SEC63: variants seen among roughly 807,000 people sequenced by gnomAD.
The protein encoded by SEC63 is translocation protein SEC63 homolog.
SEC63 carries 56 observed loss-of-function variants against 116.2 expected under a neutral mutation model. The observed-to-expected ratio is 0.48, with a 90% CI of 0.39 to 0.60. The LOEUF (loss-of-function observed/expected upper bound fraction) is 0.60. Among genes scored for constraint, SEC63 ranks in the 20% least tolerant of loss-of-function variants. The pLI is 0.00. For synonymous variants in SEC63, 273 were observed against 294.6 expected (o/e 0.93, Z 0.75); for missense variants, 668 against 900.0 (o/e 0.74, Z 3.30).
At chr6:107,939,937 A>C (rs941871194) in intron 1 of SEC63, among the ~76,000 whole-genome samples, 4 of 152,186 alleles carry the variant, frequency 2.6e-5, no homozygotes, top group African/African-American at 9.6e-5. Context: ...TATGCTCTTA[A>C]CTTGAATCTG....
intron 18 of SEC63, chr6:107,877,116 T>C (rs1786298209): frequency 6.5e-6 from 1 of 154,578 alleles, no homozygotes. Flanking sequence ...TATATGTGTG[T>C]GTGTATATAT....
At chr6:107,937,042 C>A (rs182321905) in intron 1 of SEC63, among the ~76,000 whole-genome samples, 2 of 151,970 alleles carry the variant, frequency 1.3e-5, no homozygotes, top group African/African-American at 4.8e-5. Flanking sequence ...GAATAATACC[C>A]TCCAGCTGCA....
chr6:107,871,111 A>C lies in SEC63; in HGVS notation c.*593T>G, dbSNP rs1380047190. The C allele has an allele frequency of 6.5e-6, 1 of 154,668 alleles. No homozygotes were observed. The highest frequency in any genetic ancestry group is 1.9e-4 in the East Asian group (1 of 5,252). 9.6% of individuals were successfully genotyped at this position (154,668 alleles called of 1,614,324 possible). A position where few individuals can be genotyped will look rare whatever the true frequency, so the allele number is the denominator to read the frequency against. On this transcript the variant is annotated 3_prime_UTR_variant, in exon 21 of 21. Coordinates refer to ENST00000369002, the MANE Select transcript of SEC63 (RefSeq NM_007214.5). ...CTGATAACTCTGGGCAATTAAGAAAAGGAAAATTCCAAAACGTAGCCCTCT... is the reference window on the plus strand; with the variant it reads ...CTGATAACTCTGGGCAATTAAGAAACGGAAAATTCCAAAACGTAGCCCTCT...
In SEC63 at chr6:107,906,673, T is replaced by C. The variant is rs1456797029; in HGVS notation, c.828+10A>G. On this transcript the variant is annotated intron_variant, in intron 9 of 20. Coordinates refer to ENST00000369002, the MANE Select transcript of SEC63 (RefSeq NM_007214.5). ...ACTGCTCATCGGGGGATTTGGGAAA[T>C]TAGCCTAACCTGTGGTATTAGAATA... The C allele has an allele frequency of 6.2e-6, 10 of 1,611,890 alleles. No homozygotes were observed. Among genetic ancestry groups the C allele is most frequent in the African/African-American group, 1.3e-5 (1 of 74,858 alleles).
At chr6:107,897,980 T>A (rs1786902206) in intron 13 of SEC63, among the ~76,000 whole-genome samples, 2 of 152,130 alleles carry the variant, frequency 1.3e-5, no homozygotes, top group Non-Finnish European at 2.9e-5. Flanking sequence ...GAAACTAAGG[T>A]TTAGCCAGGC....
chr6:107,873,774 G>C (rs1222267271), intron 19 of SEC63, among the ~76,000 whole-genome samples: 2 of 151,402 alleles, frequency 1.3e-5, no homozygotes, highest in African/African-American at 4.9e-5. Context: ...TATCACAAAG[G>C]GCTGATTTCT....
At chr6:107,931,250 G>A (rs1371102223) in intron 1 of SEC63, among the ~76,000 whole-genome samples, 1 of 150,282 alleles carries the variant, frequency 6.7e-6, no homozygotes, top group Non-Finnish European at 1.5e-5. Flanking sequence ...GCTGAGGCAG[G>A]AGAATCAGTT....
intron 16 of SEC63, among the ~76,000 whole-genome samples, chr6:107,892,010 G>C (rs1786694746): frequency 6.6e-6 from 1 of 152,244 alleles, no homozygotes; most frequent in Non-Finnish European, 1.5e-5. Context: ...ATGTCTCCCA[G>C]TCAGGATTCA....
At chr6:107,916,768 C>A (rs1252887794) in intron 4 of SEC63, among the ~76,000 whole-genome samples, 1 of 152,186 alleles carries the variant, frequency 6.6e-6, no homozygotes, top group Non-Finnish European at 1.5e-5. Context: ...GGGGCTGGCA[C>A]ACAAACTGCA....
At chr6:107,873,632 TA>T (rs11153086) in intron 19 of SEC63, among the ~76,000 whole-genome samples, 44 of 151,260 alleles carry the variant, frequency 2.9e-4, no homozygotes, top group African/African-American at 1.1e-3. Flanking sequence ...TAGAAACTAT[TA>T]AAAAAAAATT....
At chr6:107,893,303 G>A (rs1198527138) in intron 16 of SEC63, among the ~76,000 whole-genome samples, 179 bp downstream of exon 16, 1 of 152,188 alleles carries the variant, frequency 6.6e-6, no homozygotes, top group African/African-American at 2.4e-5. Flanking sequence ...ATAGTGGGAG[G>A]TAGAGGGATG....
In SEC63 at chr6:107,906,506, G is replaced by A. The variant is rs1268723057; in HGVS notation, c.903C>T (p.Ala301=). 1.2e-6 allele frequency: 2 copies of A among 1,613,870 alleles called. No homozygotes were observed. The highest frequency in any genetic ancestry group is 3.3e-5 in the Admixed American group (2 of 60,012). The change falls in exon 10 of 21, where the codon GCC becomes GCT. Residue 301 remains alanine, a synonymous_variant. Coordinates refer to ENST00000369002, the MANE Select transcript of SEC63 (RefSeq NM_007214.5). ...CAAGATGAGACAGTAAAAGAACTCT[G>A]GCCTTCAGGCTATATGGGCAGGTAA... ...PPLTCPYSLK[A]RVLLLSHLAR...
intron 4 of SEC63, among the ~76,000 whole-genome samples, chr6:107,914,156 T>C (rs1033383347): frequency 6.6e-6 from 1 of 152,142 alleles, no homozygotes. Context: ...TTTATTCCAG[T>C]TCCCAGTGAA....
intron 4 of SEC63, among the ~76,000 whole-genome samples, chr6:107,916,181 C>T (rs1787395969): frequency 6.6e-6 from 1 of 152,170 alleles, no homozygotes; most frequent in Admixed American, 6.5e-5. Context: ...GTCTTGGCTA[C>T]CTGACTTCCT....
intron 8 of SEC63, among the ~76,000 whole-genome samples, chr6:107,908,132 T>C (rs1787184878): frequency 6.6e-6 from 1 of 152,114 alleles, no homozygotes; most frequent in Non-Finnish European, 1.5e-5. Context: ...ATTAGTAAAA[T>C]TGCCAAATCC....
At chr6:107,946,270 T>C (rs1770479182) in intron 1 of SEC63, among the ~76,000 whole-genome samples, 1 of 150,906 alleles carries the variant, frequency 6.6e-6, no homozygotes, top group African/African-American at 2.4e-5. Flanking sequence ...TCTCACTCTG[T>C]CGCCCGGGCC....
Position 107,906,594 on chromosome 6 carries a change from A to C in SEC63, c.829-14T>G, listed in dbSNP as rs1434921219. 1 of 1,609,726 alleles carries C rather than the reference A, an allele frequency of 6.2e-7. No individual in the cohort carries two copies. Among genetic ancestry groups the C allele is most frequent in the Admixed American group, 1.7e-5 (1 of 59,978 alleles). On this transcript the variant is annotated splice_polypyrimidine_tract_variant and intron_variant, in intron 9 of 20. Transcript: ENST00000369002. ...TTCTCTGATTAGCTAGAATAAATAA[A>C]ATAATTATTCAAAAACACGCTTTTT...
chr6:107,948,275 A>G (rs1396580303), intron 1 of SEC63, among the ~76,000 whole-genome samples: 1 of 152,222 alleles, frequency 6.6e-6, no homozygotes, highest in Non-Finnish European at 1.5e-5. Context: ...GTAGTGGCTA[A>G]CAAGAGATGC....
chr6:107,872,117 T>C (rs950203151), intron 20 of SEC63, among the ~76,000 whole-genome samples: 8 of 152,226 alleles, frequency 5.3e-5, no homozygotes, highest in Admixed American at 4.6e-4. Flanking sequence ...TGTATTTCTA[T>C]GGCATAAAAT....
Sources: allele counts gnomAD v4.1 joint callset (sites outside exome capture counted in the v4.1 genomes callset), GRCh38; gene constraint gnomAD v4.1.1; transcripts MANE v1.5; gene names NCBI Gene and HGNC (gene_info 2026-07-23, HGNC 2026-07-21).